PRRC2B: variants seen among roughly 807,000 people sequenced by gnomAD.
PRRC2B encodes the protein proline rich coiled-coil 2B, also known as protein PRRC2B.
In PRRC2B, 68 loss-of-function variants were observed where a neutral mutation model predicts 242.3. That is an observed-to-expected ratio of 0.28 (90% CI 0.23 to 0.34). The LOEUF is 0.34. Ranked by LOEUF, PRRC2B falls within the 10% of genes least tolerant of loss-of-function variation. PRRC2B has a pLI of 1.00. For synonymous variants in PRRC2B, 1,228 were observed against 1,173.6 expected (o/e 1.05, Z -0.95); for missense variants, 2,835 against 2,954.8 (o/e 0.96, Z 0.94).
rs772907477 is a variant in PRRC2B at position 131,478,495 on chromosome 9, G to C, written c.4634G>C (p.Gly1545Ala). Residue 1545 changes from glycine to alanine, a missense_variant, in exon 18 of 32, where the codon GGG (glycine) becomes GCG (alanine). By Grantham distance (60) the Gly-to-Ala change is moderately conservative. Coordinates refer to ENST00000683519, the MANE Select transcript of PRRC2B (RefSeq NM_013318.4). ...NYGSAIIENC[G>A]SSPGEESEVG... The stretch of plus-strand genomic sequence containing the variant: ...TCAGGTGCCATCATTGAAAATTGCG[G>C]GTCCAGCCCCGGGGAGGAGAGTGAG... 1 of 1,613,584 alleles carries C rather than the reference G, an allele frequency of 6.2e-7. No homozygotes were observed. Among genetic ancestry groups the C allele is most frequent in the South Asian group, 1.1e-5 (1 of 91,068 alleles).
At chr9:131,444,409 T>A in intron 6 of PRRC2B, 81 bp downstream of exon 6, 7 of 1,454,510 alleles carry the variant, frequency 4.8e-6, no homozygotes, top group Non-Finnish European at 6.5e-6. Context: ...AAAAGGGTGC[T>A]GATGCCACTG....
At position 131,432,668 on chromosome 9, in the gene PRRC2B, G is replaced by T. The variant is rs372505359; in HGVS notation, c.167G>T (p.Arg56Leu). The T allele has an allele frequency of 2.5e-5, 40 of 1,613,898 alleles. No homozygotes were observed. Among genetic ancestry groups the T allele is most frequent in the Non-Finnish European group, 3.1e-5 (37 of 1,179,904 alleles). ...CTTGGGAAAGTTGCTGCAGCCCGGC[G>T]CATGCCACCGCCTGCAAACCTGCCA... ...QSLGKVAAAR[R>L]MPPPANLPSL... The change falls in exon 3 of 32, where the codon CGC becomes CTC. Residue 56 changes from arginine to leucine, a missense_variant. By Grantham distance (102) the Arg-to-Leu change is moderately radical (BLOSUM62 -2). Coordinates refer to ENST00000683519, the MANE Select transcript of PRRC2B (RefSeq NM_013318.4).
rs1838797959 is a variant in PRRC2B, at chr9:131,446,339, T to C, written c.614-62T>C. 6.3e-7 allele frequency: 1 copy of C among 1,586,446 alleles called. No individual in the cohort carries two copies. Among genetic ancestry groups the C allele is most frequent in the Non-Finnish European group, 8.6e-7 (1 of 1,165,072 alleles). On this transcript the variant is annotated intron_variant, in intron 6 of 31. Transcript: ENST00000683519. This position sits in a 1 kb window ranked among gnomAD's most constrained non-coding sequence, Gnocchi z 4.1. The stretch of plus-strand genomic sequence containing the variant: ...AGGGGGTCCCTTGACCTTCAGAACC[T>C]CATACGATCCCTCCTTCCCCCTCCT...
intron 1 of PRRC2B, among the ~76,000 whole-genome samples, chr9:131,421,966 A>G (rs1055377601): frequency 3.9e-5 from 6 of 151,918 alleles, no homozygotes; most frequent in African/African-American, 1.4e-4. Context: ...GGTGGCGTCC[A>G]GTGCAGCCTG....
intron 3 of PRRC2B, 82 bp from the exon 4 acceptor site, chr9:131,436,538 A>G: frequency 9.4e-7 from 1 of 1,067,038 alleles, no homozygotes; most frequent in Non-Finnish European, 1.4e-6. Context: ...GAGCAGCTGA[A>G]CAGCTGTGGC....
intron 1 of PRRC2B, among the ~76,000 whole-genome samples, chr9:131,420,900 G>GT (rs1373434665): frequency 1.3e-5 from 2 of 152,012 alleles, no homozygotes; most frequent in Admixed American, 6.6e-5. Flanking sequence ...AACCCACCTG[G>GT]TTCCCCCACC....
chr9:131,486,202 T>C lies in PRRC2B; in HGVS notation c.5856+20T>C. 6.5e-7 allele frequency: 1 copy of C among 1,542,938 alleles called. No homozygotes were observed. The highest frequency in any genetic ancestry group is 8.9e-7 in the Non-Finnish European group (1 of 1,121,268). The stretch of plus-strand genomic sequence containing the variant: ...CAACAGGTGACAGCAGCTAGCCAGG[T>C]GGCCTGGCTGGGGGTGGTGGGGAGG... On this transcript the variant is annotated intron_variant, in intron 26 of 31. Coordinates refer to ENST00000683519, the MANE Select transcript of PRRC2B (RefSeq NM_013318.4).
chr9:131,490,997 T>G (rs1944177684), intron 28 of PRRC2B: 1 of 255,952 alleles, frequency 3.9e-6, no homozygotes, highest in Admixed American at 4.8e-5. Context: ...TGACACACTA[T>G]CCTGGCAGTG....
chr9:131,485,625 C>T, intron 25 of PRRC2B: 1 of 532,922 alleles, frequency 1.9e-6, no homozygotes, highest in Admixed American at 1.9e-5. Context: ...GCCAGTGTCC[C>T]CAAGGGGAAG....
chr9:131,456,566 G>C (rs1026549039), intron 10 of PRRC2B, among the ~76,000 whole-genome samples: 1 of 151,856 alleles, frequency 6.6e-6, no homozygotes, highest in Non-Finnish European at 1.5e-5. Context: ...GGGAGGCGGA[G>C]CTTGCAGTGA....
intron 12 of PRRC2B, among the ~76,000 whole-genome samples, chr9:131,466,807 CT>C (rs796137463): frequency 7.3e-4 from 105 of 143,520 alleles, no homozygotes; most frequent in Admixed American, 7.0e-4. Flanking sequence ...TTCTTTTTTT[CT>C]TTTTTTTTTT....
intron 1 of PRRC2B, among the ~76,000 whole-genome samples, chr9:131,397,153 A>G (rs1169528303): frequency 6.6e-6 from 1 of 152,102 alleles, no homozygotes; most frequent in African/African-American, 2.4e-5. Flanking sequence ...CTGGCTCTAT[A>G]CTGTTAACTG....
At chr9:131,416,353 G>A (rs918352547) in intron 1 of PRRC2B, among the ~76,000 whole-genome samples, 19 of 152,108 alleles carry the variant, frequency 1.2e-4, no homozygotes, top group African/African-American at 4.1e-4. Context: ...ATGATCTGCC[G>A]CCTCGGCCTC....
At chr9:131,420,489 C>CTTT (rs1169679766) in intron 1 of PRRC2B, among the ~76,000 whole-genome samples, 1 of 17,618 alleles carries the variant, frequency 5.7e-5, no homozygotes, top group South Asian at 4.6e-3. Flanking sequence ...TTCTTTCTTT[C>CTTT]TTTCTTTTTT....
At chr9:131,441,745 C>T (rs989569667) in intron 5 of PRRC2B, among the ~76,000 whole-genome samples, 1 of 152,098 alleles carries the variant, frequency 6.6e-6, no homozygotes, top group Non-Finnish European at 1.5e-5. Context: ...AGGACTTTTC[C>T]TGAATTGATA....
rs557013674 is a variant in PRRC2B, at chr9:131,470,975, A to G, written c.2099A>G (p.His700Arg). The G allele has an allele frequency of 6.2e-7, 1 of 1,610,614 alleles. No individual in the cohort carries two copies. Among genetic ancestry groups the G allele is most frequent in the South Asian group, 1.1e-5 (1 of 90,888 alleles). Residue 700 changes from histidine (H) to arginine (R), a missense_variant, in exon 14 of 32, where the codon CAT becomes CGT. Around this residue, in one of 7 missense-constraint regions of PRRC2B, gnomAD observed 1,536 missense variants for 1,483.1 expected, o/e 1.04. Coordinates refer to ENST00000683519, the MANE Select transcript of PRRC2B (RefSeq NM_013318.4). ...TPVDFYPSALHPSGLMKPMMP... is the reference protein window; with the variant it reads ...TPVDFYPSALRPSGLMKPMMP... Reference sequence around the variant, plus strand: ...GTGGACTTCTACCCCTCCGCCCTGCATCCCTCAGGTAAGCACTGTGGTCTG... The same window carrying G: ...GTGGACTTCTACCCCTCCGCCCTGCGTCCCTCAGGTAAGCACTGTGGTCTG...
intron 1 of PRRC2B, among the ~76,000 whole-genome samples, chr9:131,427,110 A>G (rs915568916): frequency 6.6e-6 from 1 of 152,182 alleles, no homozygotes; most frequent in Non-Finnish European, 1.5e-5. Context: ...TGCGTTCTTC[A>G]TGAGCATTTC....
At chr9:131,478,649 G>GGGGGGGGGCCCCGGGGC in intron 18 of PRRC2B, 30 bp downstream of exon 18, 14 of 504,532 alleles carry the variant, frequency 2.8e-5, no homozygotes, top group East Asian at 5.1e-5. Flanking sequence ...GGGGCATGGG[G>GGGGGGGGGCCCCGGGGC]CTGGAGGGCA....
intron 1 of PRRC2B, among the ~76,000 whole-genome samples, chr9:131,400,795 C>T (rs1040994278): frequency 2.0e-5 from 3 of 152,166 alleles, no homozygotes; most frequent in Admixed American, 2.0e-4. Context: ...TGAGGTCTTA[C>T]TCCATTTACT....
Sources: gnomAD v4.1 joint callset for allele counts (sites outside exome capture counted in the v4.1 genomes callset) on GRCh38, gnomAD v4.1.1 for gene constraint, gnomAD v4.1.1 regional missense constraint, Gnocchi (gnomAD v3.1) non-coding constraint, MANE v1.5 for transcripts, NCBI Gene and HGNC (gene_info 2026-07-23, HGNC 2026-07-21) for gene names.